The following USHBP1 variants were observed in gnomAD, a reference collection of about 807,000 sequenced individuals.
USHBP1 encodes the protein harmonin-binding protein USHBP1.
In USHBP1, 67 loss-of-function variants were observed where a neutral mutation model predicts 76.2. The observed-to-expected ratio is 0.88, with a 90% CI of 0.72 to 1.08. The LOEUF (loss-of-function observed/expected upper bound fraction) is 1.08, where lower values mean the gene tolerates loss of function less well. USHBP1 is among the 50% of genes least tolerant of loss of function. The pLI, the probability that USHBP1 is intolerant of heterozygous loss-of-function variation, is 0.00. For synonymous variants in USHBP1, 322 were observed against 362.2 expected (o/e 0.89, Z 1.26); for missense variants, 931 against 915.0 (o/e 1.02, Z -0.23).
Position 17,262,937 on chromosome 19 carries a change from T to C in USHBP1, c.257A>G (p.Glu86Gly), listed in dbSNP as rs752999487. ...GSGRELASAP[E>G]VPHKPAVEAH... ...TTCCACTGCAGGTTTGTGGGGCACT[T>C]CGGGGGCTGAGGCCAGTTCCCTGCC... The change falls in exon 4 of 13, where the codon GAA becomes GGA. Residue 86 changes from glutamate to glycine, a missense_variant. Glu to Gly is a moderately conservative substitution (Grantham distance 98). Transcript: ENST00000252597. 1 of 1,546,256 alleles carries C rather than the reference T, an allele frequency of 6.5e-7. No homozygotes were observed. Among genetic ancestry groups the C allele is most frequent in the South Asian group, 1.2e-5 (1 of 80,374 alleles).
At chr19:17,259,838 T>G in intron 5 of USHBP1, 59 bp downstream of exon 5, 1 of 1,587,480 alleles carries the variant, frequency 6.3e-7, no homozygotes. Flanking sequence ...AAGATTTGAG[T>G]CTCATTCCCC....
Position 17,262,860 on chromosome 19 carries a change from C to A in USHBP1, c.334G>T (p.Gly112Trp). 6.2e-7 allele frequency: 1 copy of A among 1,612,982 alleles called. No homozygotes were observed. The change falls in exon 4 of 13, where the codon GGG becomes TGG. Residue 112 changes from glycine (G) to tryptophan (W), a missense_variant. Physicochemically the swap from Gly to Trp is radical, Grantham distance 184. Coordinates refer to ENST00000252597, the MANE Select transcript of USHBP1 (RefSeq NM_031941.4). ...TGAAACACATCGGGGGCCCCATTCC[C>A]AGGGGGCACAGTCTCCTTGTACTGT... ...ALQYKETVPPGNGAPDVFQTL... is the reference protein window; with the variant it reads ...ALQYKETVPPWNGAPDVFQTL...
intron 11 of USHBP1, 32 bp from the exon 12 acceptor site, chr19:17,251,736 GC>G: frequency 1.9e-6 from 3 of 1,608,526 alleles, no homozygotes; most frequent in Non-Finnish European, 1.7e-6. Flanking sequence ...GGGGCTCACA[GC>G]CCCAGCCGAT....
chr19:17,252,376 A>G (rs909420632), intron 10 of USHBP1, among the ~76,000 whole-genome samples: 1 of 151,848 alleles, frequency 6.6e-6, no homozygotes, highest in African/African-American at 2.4e-5. Context: ...TCGTATTTTT[A>G]GTAGAGACGG....
Position 17,262,661 on chromosome 19 carries a change from T to C in USHBP1, c.533A>G (p.Glu178Gly), listed in dbSNP as rs985634077. 5 of 1,613,894 alleles carry C rather than the reference T, an allele frequency of 3.1e-6. No individual in the cohort carries two copies. The highest frequency in any genetic ancestry group is 2.2e-5 in the South Asian group (2 of 91,082). ...GGCCAGCCGGAGCCAGGCATTCCTC[T>C]CGGCCAGGCGAGCTGCCTCTCGCTG... ...SCQREAARLA[E>G]RNAWLRLALS... Residue 178 changes from glutamate (E) to glycine (G), a missense_variant, in exon 4 of 13, where the codon GAG (glutamate) becomes GGG (glycine). Glu to Gly is a moderately conservative substitution (Grantham distance 98). Transcript: ENST00000252597.
intron 10 of USHBP1, among the ~76,000 whole-genome samples, chr19:17,254,216 G>A (rs1313182670): frequency 1.3e-5 from 2 of 151,896 alleles, no homozygotes; most frequent in African/African-American, 2.4e-5. Context: ...GTGTGGTGGC[G>A]GGCGCCTGTA....
chr19:17,259,452 G>A (rs2073661302), intron 6 of USHBP1, 23 bp from the exon 7 acceptor site: 25 of 1,613,586 alleles, frequency 1.5e-5, no homozygotes, highest in Non-Finnish European at 2.0e-5. Flanking sequence ...GTGGGGAAGA[G>A]GGAAAGTCAG....
intron 8 of USHBP1, among the ~76,000 whole-genome samples, chr19:17,257,193 T>TC (rs1463264364): frequency 1.3e-5 from 2 of 149,504 alleles, no homozygotes; most frequent in Non-Finnish European, 3.0e-5. Flanking sequence ...GCTAATTTTT[T>TC]TTTTTTTTTT....
chr19:17,251,079 C>T (rs186543336), intron 12 of USHBP1, among the ~76,000 whole-genome samples: 2,240 of 146,290 alleles, frequency 0.015, 36 homozygotes, highest in South Asian at 0.043. Context: ...AGGCTGGTCT[C>T]GAACTCCCGA....
In USHBP1 at chr19:17,262,690, G is replaced by A. The variant is rs374235282; in HGVS notation, c.504C>T (p.Ser168=). The A allele has an allele frequency of 6.1e-5, 98 of 1,614,128 alleles. No homozygotes were observed. The Middle Eastern group carries it at 8.2e-4, about 14-fold the overall frequency. The change falls in exon 4 of 13, where the codon AGC becomes AGT. Residue 168 remains serine (S), a synonymous_variant. Coordinates refer to ENST00000252597, the MANE Select transcript of USHBP1 (RefSeq NM_031941.4). ...CCAGGCGAGCTGCCTCTCGCTGGCAGCTCCCTGCCCCTTCCTGCTTCCCAA... is the reference window on the plus strand; with the variant it reads ...CCAGGCGAGCTGCCTCTCGCTGGCAACTCCCTGCCCCTTCCTGCTTCCCAA... ...GSLGKQEGAG[S]CQREAARLAE... is the part of the protein sequence containing the mutation.
Position 17,256,522 on chromosome 19 carries a change from A to T in USHBP1, c.1419T>A (p.Ala473=), listed in dbSNP as rs772928606. 24 of 1,613,772 alleles carry T rather than the reference A, an allele frequency of 1.5e-5. No individual in the cohort carries two copies. In the East Asian group the frequency reaches 4.9e-4, roughly 33 times the overall value. The change falls in exon 9 of 13, where the codon GCT becomes GCA. Residue 473 remains alanine (A), a synonymous_variant. Transcript: ENST00000252597. ...QAILGTQAGP[A]LPRLEKTQIQ... ...TTTGTGTCTTCTCCAGTCGGGGAAG[A>T]GCTGGGCCAGCCTGGGTCCCCAGAA...
intron 10 of USHBP1, among the ~76,000 whole-genome samples, chr19:17,253,094 G>A (rs1015969204): frequency 6.6e-6 from 1 of 151,184 alleles, no homozygotes; most frequent in African/African-American, 2.4e-5. Flanking sequence ...TCAGCCTCCC[G>A]AGTAGCTGGG....
At chr19:17,255,997 C>T (rs7248801) in intron 9 of USHBP1, among the ~76,000 whole-genome samples, 97,860 of 151,668 alleles carry the variant, frequency 0.65, 31,960 homozygotes, top group East Asian at 0.82. Context: ...AGCAAGACTC[C>T]GTCTCAAAAA....
intron 4 of USHBP1, among the ~76,000 whole-genome samples, chr19:17,260,805 G>C (rs1000553602): frequency 1.3e-5 from 2 of 152,104 alleles, no homozygotes; most frequent in Non-Finnish European, 2.9e-5. Flanking sequence ...GTCACCCCCA[G>C]CCAAACCTGC....
chr19:17,258,726 G>T, intron 7 of USHBP1: 2 of 277,012 alleles, frequency 7.2e-6, no homozygotes, highest in South Asian at 3.3e-5. Flanking sequence ...AAAAAAAAAA[G>T]AAAGAAAAAA....
At chr19:17,258,078 A>T (rs1419504919) in intron 8 of USHBP1, 134 bp downstream of exon 8, 1 of 1,229,620 alleles carries the variant, frequency 8.1e-7, no homozygotes, top group East Asian at 2.4e-5. Context: ...TCAACCAACT[A>T]CAGTGAGCTC....
chr19:17,253,659 G>A (rs1266008003), intron 10 of USHBP1, among the ~76,000 whole-genome samples: 2 of 150,198 alleles, frequency 1.3e-5, no homozygotes, highest in South Asian at 2.1e-4. Flanking sequence ...TTGGGAGGCC[G>A]AGACGGGCGG....
intron 4 of USHBP1, among the ~76,000 whole-genome samples, chr19:17,261,444 T>C (rs1167505892): frequency 1.3e-5 from 2 of 150,126 alleles, no homozygotes; most frequent in Non-Finnish European, 3.0e-5. Context: ...CACGCCATTC[T>C]CCTGCCTCAG....
At position 17,257,181 on chromosome 19, in the gene USHBP1, C is replaced by T. The variant is rs1442996510; in HGVS notation, c.1221-461G>A. Among the ~76,000 whole-genome samples, 9 of 145,576 alleles carry T rather than the reference C, an allele frequency of 6.2e-5. No individual in the cohort carries two copies. In the South Asian group the frequency reaches 1.8e-3, roughly 29 times the overall value. ...GACTACAGGCGCTTGCCACCACGCC[C>T]GGCTAATTTTTTTTTTTTTTTTTGG... On this transcript the variant is annotated intron_variant, in intron 8 of 12. Coordinates refer to ENST00000252597, the MANE Select transcript of USHBP1 (RefSeq NM_031941.4).
Sources: allele counts gnomAD v4.1 joint callset (sites outside exome capture counted in the v4.1 genomes callset), GRCh38; gene constraint gnomAD v4.1.1; transcripts MANE v1.5; gene names NCBI Gene and HGNC (gene_info 2026-07-23, HGNC 2026-07-21).